FER: variants seen among roughly 807,000 people sequenced by gnomAD.
FER encodes the protein FER tyrosine kinase.
In FER, 63 loss-of-function variants were observed where a neutral mutation model predicts 111.0. That is an observed-to-expected ratio of 0.57 (90% CI 0.46 to 0.70). The LOEUF is 0.70. FER is among the 30% of genes least tolerant of loss of function. The probability of loss-of-function intolerance (pLI) is 0.00; values close to 1 mark genes in which losing one functional copy is unlikely to be tolerated. For synonymous variants in FER, 327 were observed against 313.9 expected (o/e 1.04, Z -0.44); for missense variants, 914 against 954.0 (o/e 0.96, Z 0.55).
At chr5:109,067,105 G>A (rs546768804) in intron 16 of FER, among the ~76,000 whole-genome samples, 9 of 152,270 alleles carry the variant, frequency 5.9e-5, no homozygotes, top group East Asian at 1.9e-4. Flanking sequence ...GAGTGACTGC[G>A]GCTCAGTGAG....
At chr5:109,143,914 G>GT (rs1218917867) in intron 17 of FER, among the ~76,000 whole-genome samples, 1 of 151,308 alleles carries the variant, frequency 6.6e-6, no homozygotes, top group Non-Finnish European at 1.5e-5. Flanking sequence ...CCTTTCTAGT[G>GT]TTTTTCAGTT....
intron 17 of FER, among the ~76,000 whole-genome samples, chr5:109,134,966 G>T (rs577322697): frequency 6.6e-6 from 1 of 152,250 alleles, no homozygotes; most frequent in South Asian, 2.1e-4. Flanking sequence ...GGCAGAAACC[G>T]TGTATATTTT....
intron 8 of FER, among the ~76,000 whole-genome samples, chr5:108,880,544 G>T (rs908196041): frequency 1.3e-5 from 2 of 152,058 alleles, no homozygotes; most frequent in African/African-American, 4.8e-5. Flanking sequence ...GGAAGTTGGA[G>T]CCAGTGGTTG....
chr5:109,122,765 T>C (rs1328251061), intron 17 of FER, among the ~76,000 whole-genome samples: 1 of 152,192 alleles, frequency 6.6e-6, no homozygotes, highest in African/African-American at 2.4e-5. Flanking sequence ...GGTGCATACA[T>C]ATTTATAATT....
At chr5:109,144,410 A>G (rs1011581879) in intron 17 of FER, among the ~76,000 whole-genome samples, 3 of 152,012 alleles carry the variant, frequency 2.0e-5, no homozygotes, top group Non-Finnish European at 4.4e-5. Flanking sequence ...GAGTCTTCCT[A>G]TGGAAATCAA....
intron 13 of FER, among the ~76,000 whole-genome samples, chr5:109,031,072 T>A (rs892585329): frequency 6.6e-6 from 1 of 152,092 alleles, no homozygotes; most frequent in African/African-American, 2.4e-5. Context: ...TAGCTGCTTA[T>A]TGTTAGTTGG....
intron 3 of FER, among the ~76,000 whole-genome samples, chr5:108,799,697 T>C (rs1756418158): frequency 6.6e-6 from 1 of 152,256 alleles, no homozygotes; most frequent in South Asian, 2.1e-4. Context: ...TAAAGCCTTC[T>C]ATTATGTTAA....
intron 13 of FER, among the ~76,000 whole-genome samples, chr5:109,031,124 G>A (rs1769539854): frequency 6.6e-6 from 1 of 151,980 alleles, no homozygotes; most frequent in African/African-American, 2.4e-5. Flanking sequence ...GGGCTCATTT[G>A]GTCATTTTGA....
intron 5 of FER, among the ~76,000 whole-genome samples, chr5:108,849,232 T>C (rs1317787317): frequency 6.6e-6 from 1 of 152,180 alleles, no homozygotes; most frequent in African/African-American, 2.4e-5. Context: ...TCTTCACATA[T>C]ATTTTCTGTC....
intron 13 of FER, among the ~76,000 whole-genome samples, chr5:109,025,998 T>G (rs905332860): frequency 3.3e-5 from 5 of 152,192 alleles, no homozygotes; most frequent in African/African-American, 4.8e-5. Context: ...CTCTGAGAGT[T>G]TTTTAGTCAA....
chr5:109,088,716 G>A (rs1777833877), intron 16 of FER, among the ~76,000 whole-genome samples: 1 of 152,060 alleles, frequency 6.6e-6, no homozygotes, highest in Admixed American at 6.6e-5. Context: ...ATAAAATTAA[G>A]AGTAAGTTAT....
At chr5:109,160,873 C>A (rs183660662) in intron 17 of FER, among the ~76,000 whole-genome samples, 1 of 152,228 alleles carries the variant, frequency 6.6e-6, no homozygotes, top group East Asian at 1.9e-4. Flanking sequence ...CCTCTAGTAC[C>A]TGAACTTTCT....
Position 109,058,004 on chromosome 5 carries a change from A to C in FER, c.1924+10806A>C, listed in dbSNP as rs1773865105. ...ACAATTTTAACAAAGCAAATTTAAC[A>C]ATATATAAGAATTCATGATCAAGTG... is the stretch of plus-strand genomic sequence containing the variant. On this transcript the variant is annotated intron_variant, in intron 16 of 19. Coordinates refer to ENST00000281092, the MANE Select transcript of FER (RefSeq NM_005246.4). 2.0e-5 allele frequency among the ~76,000 whole-genome samples: 3 copies of C among 152,318 alleles called. No homozygotes were observed. In the South Asian group the frequency reaches 6.2e-4, roughly 32 times the overall value.
chr5:109,006,460 A>G (rs1486264099), intron 13 of FER, among the ~76,000 whole-genome samples: 2 of 152,124 alleles, frequency 1.3e-5, no homozygotes, highest in Non-Finnish European at 2.9e-5. Flanking sequence ...GCCTTCCACC[A>G]TGATTGTGAG....
chr5:108,969,609 A>ATTTTTTTTTTTTTTTTTTT (rs1160968356), intron 13 of FER, among the ~76,000 whole-genome samples: 2 of 148,870 alleles, frequency 1.3e-5, no homozygotes, highest in African/African-American at 5.2e-5. Flanking sequence ...TTACATTTTA[A>ATTTTTTTTTTTTTTTTTTT]TTTTTTTGAA....
intron 13 of FER, among the ~76,000 whole-genome samples, chr5:109,023,605 T>C (rs543101353): frequency 6.6e-6 from 1 of 152,254 alleles, no homozygotes; most frequent in African/African-American, 2.4e-5. Flanking sequence ...ATGGTTCCCT[T>C]ATGTCCATTT....
At chr5:108,839,396 T>TG (rs987739948) in intron 5 of FER, among the ~76,000 whole-genome samples, 4 of 152,040 alleles carry the variant, frequency 2.6e-5, no homozygotes, top group African/African-American at 9.7e-5. Flanking sequence ...GAGAAGATTT[T>TG]GGGGAGTTAG....
intron 5 of FER, among the ~76,000 whole-genome samples, chr5:108,867,339 T>A (rs1241648489): frequency 6.6e-6 from 1 of 152,132 alleles, no homozygotes; most frequent in Non-Finnish European, 1.5e-5. Context: ...GTTTGTCTTC[T>A]CCACAAAGCC....
At chr5:108,979,156 T>C (rs1761745539) in intron 13 of FER, among the ~76,000 whole-genome samples, 1 of 152,320 alleles carries the variant, frequency 6.6e-6, no homozygotes, top group Admixed American at 6.5e-5. Flanking sequence ...AAATCCTAGC[T>C]TGTGGTTATA....
Sources: allele counts gnomAD v4.1 joint callset (sites outside exome capture counted in the v4.1 genomes callset), GRCh38; gene constraint gnomAD v4.1.1; transcripts MANE v1.5; gene names NCBI Gene and HGNC (gene_info 2026-07-23, HGNC 2026-07-21).